Variants in GALNT7 observed in about 807,000 individuals in gnomAD.
GALNT7 encodes the protein N-acetylgalactosaminyltransferase 7.
GALNT7 carries 60 observed loss-of-function variants against 82.1 expected under a neutral mutation model. That is an observed-to-expected ratio of 0.73 (90% CI 0.59 to 0.91). The LOEUF (loss-of-function observed/expected upper bound fraction) is 0.91. Among genes scored for constraint, GALNT7 ranks in the 40% least tolerant of loss-of-function variants. The pLI, the probability that GALNT7 is intolerant of heterozygous loss-of-function variation, is 0.00. For missense variants in GALNT7, 660 were observed against 804.2 expected (o/e 0.82, Z 2.17); for synonymous variants, 243 against 275.1 (o/e 0.88, Z 1.15).
intron 2 of GALNT7, among the ~76,000 whole-genome samples, chr4:173,282,218 T>G (rs73001544): frequency 0.077 from 11,743 of 152,230 alleles, 939 homozygotes; most frequent in African/African-American, 0.21. Flanking sequence ...CACTTCTCTT[T>G]TCTGTATAAC....
At chr4:173,178,868 T>TAAAATTAAGTC (rs1732160282) in intron 1 of GALNT7, among the ~76,000 whole-genome samples, 1 of 152,256 alleles carries the variant, frequency 6.6e-6, no homozygotes, top group Non-Finnish European at 1.5e-5. Flanking sequence ...CTGGATGAGT[T>TAAAATTAAGTC]AAAATTAAGT....
At chr4:173,255,455 G>T (rs116718987) in intron 2 of GALNT7, among the ~76,000 whole-genome samples, 1 of 151,984 alleles carries the variant, frequency 6.6e-6, no homozygotes, top group African/African-American at 2.4e-5. Flanking sequence ...ATAAACTCAC[G>T]TTGCATTTAT....
At position 173,261,380 on chromosome 4, in the gene GALNT7, GT is replaced by G. The variant is rs890823037; in HGVS notation, c.587+12949del. 6.3e-5 allele frequency among the ~76,000 whole-genome samples: 9 copies of G among 143,440 alleles called. No homozygotes were observed. The East Asian group carries it at 1.4e-3, about 22-fold the overall frequency. 94.1% of individuals were successfully genotyped at this position (143,440 alleles called of 152,430 possible). ...AAACTCTACCCAGACAGTGGCATCA[GT>G]TTTTTTTTGTTTTTTTTTTTCTCAT... On this transcript the variant is annotated intron_variant, in intron 2 of 11. Coordinates refer to ENST00000265000, the MANE Select transcript of GALNT7 (RefSeq NM_017423.3).
intron 11 of GALNT7, chr4:173,318,763 A>G (rs1022840988): frequency 1.6e-5 from 7 of 428,204 alleles, no homozygotes; most frequent in Non-Finnish European, 2.5e-5. Context: ...CTCTCTTACA[A>G]TATTGTCATG....
At chr4:173,173,991 G>A (rs1731957779) in intron 1 of GALNT7, among the ~76,000 whole-genome samples, 1 of 152,160 alleles carries the variant, frequency 6.6e-6, no homozygotes, top group Admixed American at 6.5e-5. Flanking sequence ...CCTTGAACAT[G>A]AGATTGTACT....
intron 1 of GALNT7, among the ~76,000 whole-genome samples, chr4:173,199,070 G>C (rs558684264): frequency 6.6e-6 from 1 of 152,280 alleles, no homozygotes; most frequent in Non-Finnish European, 1.5e-5. Context: ...AGAGCAAAGA[G>C]CATGTATAAG....
At chr4:173,185,534 G>T (rs954080169) in intron 1 of GALNT7, among the ~76,000 whole-genome samples, 1 of 152,072 alleles carries the variant, frequency 6.6e-6, no homozygotes, top group Non-Finnish European at 1.5e-5. Context: ...TACAGGTACT[G>T]CATTTCTTAT....
chr4:173,318,745 CTT>C, intron 11 of GALNT7, 186 bp downstream of exon 11: 1 of 462,762 alleles, frequency 2.2e-6, no homozygotes. Flanking sequence ...TGAGGCATCA[CTT>C]TTGTTCTCTC....
intron 2 of GALNT7, among the ~76,000 whole-genome samples, chr4:173,259,429 T>C (rs1331197938): frequency 7.4e-6 from 1 of 134,434 alleles, no homozygotes; most frequent in Non-Finnish European, 1.7e-5. Flanking sequence ...CTCCTCCCGC[T>C]TTTTTTTTTT....
intron 1 of GALNT7, among the ~76,000 whole-genome samples, chr4:173,222,893 G>T (rs545828974): frequency 1.3e-5 from 2 of 152,142 alleles, no homozygotes; most frequent in Non-Finnish European, 2.9e-5. Context: ...GACTATTAAG[G>T]TTAGATGTTT....
intron 6 of GALNT7, among the ~76,000 whole-genome samples, chr4:173,300,328 G>A (rs1736875214): frequency 6.6e-6 from 1 of 152,220 alleles, no homozygotes; most frequent in African/African-American, 2.4e-5. Flanking sequence ...GGGCAACAGA[G>A]TGAGACCCTG....
chr4:173,258,342 T>C (rs6839839), intron 2 of GALNT7, among the ~76,000 whole-genome samples: 7,729 of 152,238 alleles, frequency 0.051, 565 homozygotes, highest in African/African-American at 0.16. Flanking sequence ...CCAGTAGACA[T>C]AGAGTGGCCC....
chr4:173,173,310 G>A (rs1189809886), intron 1 of GALNT7, among the ~76,000 whole-genome samples: 3 of 151,744 alleles, frequency 2.0e-5, no homozygotes, highest in African/African-American at 7.3e-5. Context: ...TATCTGCTTG[G>A]ACTTGCAAAG....
chr4:173,199,500 T>C (rs1198273435), intron 1 of GALNT7, among the ~76,000 whole-genome samples: 1 of 152,188 alleles, frequency 6.6e-6, no homozygotes, highest in African/African-American at 2.4e-5. Flanking sequence ...ACCATCATCG[T>C]TACAGTTGTC....
chr4:173,285,337 G>T (rs560899404), intron 2 of GALNT7, among the ~76,000 whole-genome samples: 1 of 152,318 alleles, frequency 6.6e-6, no homozygotes, highest in South Asian at 2.1e-4. Flanking sequence ...GCTAGATGCA[G>T]ATAAAGTCTG....
At chr4:173,185,755 C>T (rs1270431529) in intron 1 of GALNT7, among the ~76,000 whole-genome samples, 2 of 152,002 alleles carry the variant, frequency 1.3e-5, no homozygotes, top group Non-Finnish European at 1.5e-5. Flanking sequence ...TTGTATACAT[C>T]TTAGAGTCTG....
chr4:173,198,332 T>C (rs896395680), intron 1 of GALNT7, among the ~76,000 whole-genome samples: 2 of 151,222 alleles, frequency 1.3e-5, no homozygotes, highest in African/African-American at 4.9e-5. Flanking sequence ...TCTCCCAAGG[T>C]GCTGGGATTA....
At chr4:173,297,849 T>C in intron 5 of GALNT7, 3 of 1,489,814 alleles carry the variant, frequency 2.0e-6, no homozygotes, top group South Asian at 1.3e-5. Flanking sequence ...ATTATTCCAT[T>C]GAACCACAGC....
At chr4:173,291,419 A>G (rs899322808) in intron 2 of GALNT7, among the ~76,000 whole-genome samples, 1 of 152,148 alleles carries the variant, frequency 6.6e-6, no homozygotes, top group African/African-American at 2.4e-5. Context: ...TTACACTGCA[A>G]AGTACTCTTT....
Sources: allele counts gnomAD v4.1 joint callset (sites outside exome capture counted in the v4.1 genomes callset), GRCh38; gene constraint gnomAD v4.1.1; transcripts MANE v1.5; gene names NCBI Gene and HGNC (gene_info 2026-07-23, HGNC 2026-07-21).